The following FOXP2 variants were observed in gnomAD, a reference collection of about 807,000 sequenced individuals.
FOXP2 encodes forkhead box P2.
Under a neutral mutation model 115.8 loss-of-function variants are expected in FOXP2, and 12 were observed. The ratio of observed to expected loss-of-function variants is 0.10; its 90% CI spans 0.07 to 0.17. The LOEUF (loss-of-function observed/expected upper bound fraction) is 0.17, where lower values mean the gene tolerates loss of function less well. Among genes scored for constraint, FOXP2 ranks in the 10% least tolerant of loss-of-function variants. FOXP2 has a pLI of 1.00. For synonymous variants in FOXP2, 328 were observed against 297.7 expected (o/e 1.10, Z -1.05); for missense variants, 629 against 843.5 (o/e 0.75, Z 3.15).
At chr7:114,613,316 A>AT in intron 3 of FOXP2, among the ~76,000 whole-genome samples, 1 of 152,288 alleles carries the variant, frequency 6.6e-6, no homozygotes, top group South Asian at 2.1e-4. Context: ...TTCTAGAGAT[A>AT]TTTTGTGCAT....
At chr7:114,570,711 C>A in intron 3 of FOXP2, 1 of 926,152 alleles carries the variant, frequency 1.1e-6, no homozygotes, top group Non-Finnish European at 1.8e-6. Flanking sequence ...GATAATAATT[C>A]CAAAAAATGA....
At chr7:114,356,925 T>A (rs1238978289) in intron 2 of FOXP2, among the ~76,000 whole-genome samples, 1 of 152,150 alleles carries the variant, frequency 6.6e-6, no homozygotes, top group East Asian at 1.9e-4. Flanking sequence ...TTGATATTTA[T>A]CTGTATTATG....
At chr7:114,168,883 A>ATAGC (rs2129152385) in intron 1 of FOXP2, among the ~76,000 whole-genome samples, 1 of 152,334 alleles carries the variant, frequency 6.6e-6, no homozygotes, top group South Asian at 2.1e-4. Flanking sequence ...CACTCCAGCC[A>ATAGC]TAGCTGAAAG....
chr7:114,438,155 G>C (rs1794436118), intron 2 of FOXP2, among the ~76,000 whole-genome samples: 1 of 151,988 alleles, frequency 6.6e-6, no homozygotes, highest in African/African-American at 2.4e-5. Flanking sequence ...GAAATGATTA[G>C]TCTACAATCT....
intron 1 of FOXP2, among the ~76,000 whole-genome samples, chr7:114,242,631 T>C (rs1047978034): frequency 6.6e-6 from 1 of 152,204 alleles, no homozygotes; most frequent in Admixed American, 6.5e-5. Context: ...CCAATGGCTC[T>C]TTTAATTCAC....
intron 1 of FOXP2, among the ~76,000 whole-genome samples, chr7:114,233,744 G>A (rs1362680336): frequency 1.3e-5 from 2 of 152,236 alleles, no homozygotes; most frequent in Non-Finnish European, 2.9e-5. Flanking sequence ...TGGGCATGGT[G>A]GCTCACGCCT....
At chr7:114,383,098 G>T (rs1200184759) in intron 2 of FOXP2, among the ~76,000 whole-genome samples, 1 of 152,082 alleles carries the variant, frequency 6.6e-6, no homozygotes. Context: ...CCAAACTCTT[G>T]GGTTGCAGTT....
intron 3 of FOXP2, among the ~76,000 whole-genome samples, chr7:114,541,296 AT>A (rs1799649079): frequency 6.6e-6 from 1 of 152,044 alleles, no homozygotes; most frequent in African/African-American, 2.4e-5. Context: ...GAAAAAGGTA[AT>A]TTGAAAAGAG....
At chr7:114,561,224 G>A (rs1218337579) in intron 3 of FOXP2, 1 of 152,200 alleles carries the variant, frequency 6.6e-6, no homozygotes, top group African/African-American at 2.4e-5. Flanking sequence ...ATGCTGGGTA[G>A]GCAATATCAA....
chr7:114,176,303 TCTCTCTCTCTC>T lies in FOXP2; in HGVS notation c.-102+13216_-102+13226del, dbSNP rs1562992964. 1.4e-3 allele frequency among the ~76,000 whole-genome samples: 196 copies of T among 144,958 alleles called. 1 individual carries two copies. The highest frequency in any genetic ancestry group is 5.0e-3 in the African/African-American group (187 of 37,770). ...TTCTTTCTTTCTTTCTTTCTTTCTC[TCTCTCTCTCTC>T]TCTCTCTTTCTTTTTCTTTCTTTCT... On this transcript the variant is annotated intron_variant, in intron 1 of 17. Transcript: ENST00000634411.
At chr7:114,350,660 G>T (rs1422942185) in intron 2 of FOXP2, among the ~76,000 whole-genome samples, 1 of 152,048 alleles carries the variant, frequency 6.6e-6, no homozygotes, top group African/African-American at 2.4e-5. Context: ...AACTAAGAAG[G>T]CAAAGGTTTT....
At chr7:114,524,469 T>C (rs1798767886) in intron 2 of FOXP2, among the ~76,000 whole-genome samples, 1 of 152,084 alleles carries the variant, frequency 6.6e-6, no homozygotes, top group Non-Finnish European at 1.5e-5. Flanking sequence ...AGTTATATAA[T>C]TTTCCTGACT....
chr7:114,133,424 T>C (rs1056784280), intron 1 of FOXP2, among the ~76,000 whole-genome samples: 2 of 152,178 alleles, frequency 1.3e-5, no homozygotes, highest in Admixed American at 1.3e-4. Flanking sequence ...ATTTGTAAGT[T>C]AGCATATAGG....
intron 1 of FOXP2, among the ~76,000 whole-genome samples, chr7:114,252,090 C>T (rs910024027): frequency 2.6e-5 from 4 of 152,120 alleles, no homozygotes; most frequent in Non-Finnish European, 5.9e-5. Context: ...TACTGGATTA[C>T]GTTTATTGAT....
intron 1 of FOXP2, among the ~76,000 whole-genome samples, chr7:114,422,395 T>G (rs1793659942): frequency 6.6e-6 from 1 of 151,762 alleles, no homozygotes; most frequent in Non-Finnish European, 1.5e-5. Flanking sequence ...AAATGAGAGT[T>G]AATATTAAGG....
intron 2 of FOXP2, among the ~76,000 whole-genome samples, chr7:114,362,342 A>G (rs976374456): frequency 3.3e-5 from 5 of 152,132 alleles, no homozygotes; most frequent in African/African-American, 1.2e-4. Flanking sequence ...TTATGGTCAC[A>G]AAGTTGAATT....
intron 2 of FOXP2, among the ~76,000 whole-genome samples, chr7:114,299,547 TATAA>T (rs1562860674): frequency 2.0e-5 from 3 of 151,890 alleles, no homozygotes; most frequent in African/African-American, 7.2e-5. Flanking sequence ...TCTAAGGTTA[TATAA>T]ATAAATAAAT....
chr7:114,530,509 A>C (rs879349731), intron 2 of FOXP2, among the ~76,000 whole-genome samples: 2 of 151,876 alleles, frequency 1.3e-5, no homozygotes, highest in Admixed American at 1.3e-4. Flanking sequence ...TTTTTCCCCT[A>C]ATATACATAT....
In FOXP2 at chr7:114,664,346, T is replaced by C. The variant is rs1230202192; in HGVS notation, c.1913T>C (p.Leu638Pro). The C allele has an allele frequency of 1.2e-6, 2 of 1,613,674 alleles. No individual in the cohort carries two copies. Among genetic ancestry groups the C allele is most frequent in the Non-Finnish European group, 1.7e-6 (2 of 1,179,720 alleles). Residue 638 changes from leucine (L) to proline (P), a missense_variant, in exon 16 of 17, where the codon CTG becomes CCG. By Grantham distance (98) the Leu-to-Pro change is moderately conservative. Coordinates refer to ENST00000350908, the MANE Select transcript of FOXP2 (RefSeq NM_014491.4). ...GLINNASSGL[L>P]QAVHEDLNGS... ...ATAAATAATGCATCCAGTGGCCTAC[T>C]GCAGGCCGTCCACGAAGACCTCAAT...
Sources: gnomAD v4.1 joint callset for allele counts (sites outside exome capture counted in the v4.1 genomes callset) on GRCh38, gnomAD v4.1.1 for gene constraint, MANE v1.5 for transcripts, NCBI Gene and HGNC (gene_info 2026-07-23, HGNC 2026-07-21) for gene names.